KCNQ5: variants seen among roughly 807,000 people sequenced by gnomAD.
The protein encoded by KCNQ5 is potassium voltage-gated channel subfamily KQT member 5.
In KCNQ5, 30 loss-of-function variants were observed where a neutral mutation model predicts 98.2. The observed-to-expected ratio is 0.31, with a 90% CI of 0.23 to 0.41. The LOEUF (loss-of-function observed/expected upper bound fraction) is 0.41, where lower values mean the gene tolerates loss of function less well. Ranked by LOEUF, KCNQ5 falls within the 10% of genes least tolerant of loss-of-function variation. The pLI is 1.00. For synonymous variants in KCNQ5, 458 were observed against 449.4 expected (o/e 1.02, Z -0.24); for missense variants, 835 against 1,182.5 (o/e 0.71, Z 4.31).
At chr6:72,753,560 G>A (rs80230799) in intron 1 of KCNQ5, among the ~76,000 whole-genome samples, 1,946 of 152,202 alleles carry the variant, frequency 0.013, 48 homozygotes, top group African/African-American at 0.043. Context: ...CTTCAGTAAT[G>A]CGTGAGTTTC....
chr6:73,091,949 T>C (rs1774269747), intron 5 of KCNQ5, among the ~76,000 whole-genome samples: 1 of 152,174 alleles, frequency 6.6e-6, no homozygotes, highest in Admixed American at 6.6e-5. Flanking sequence ...ATATTGATTC[T>C]ACCTATCCGT....
intron 1 of KCNQ5, among the ~76,000 whole-genome samples, chr6:72,920,648 A>G (rs7741305): frequency 0.045 from 6,840 of 152,250 alleles, 446 homozygotes; most frequent in African/African-American, 0.14. Context: ...CTCTTTTTCT[A>G]TGTTCTACAT....
chr6:73,162,118 G>T (rs1305020561), intron 10 of KCNQ5, among the ~76,000 whole-genome samples: 1 of 151,210 alleles, frequency 6.6e-6, no homozygotes, highest in African/African-American at 2.4e-5. Flanking sequence ...GTAGAGGTGG[G>T]TTTTCACCAT....
chr6:73,002,548 G>A (rs990708430), intron 1 of KCNQ5, among the ~76,000 whole-genome samples: 2 of 152,148 alleles, frequency 1.3e-5, no homozygotes, highest in Admixed American at 6.5e-5. Context: ...CAGCTTGTAG[G>A]AACCCCTCTA....
At chr6:72,632,489 G>T (rs2098921560) in intron 1 of KCNQ5, among the ~76,000 whole-genome samples, 1 of 151,944 alleles carries the variant, frequency 6.6e-6, no homozygotes, top group African/African-American at 2.4e-5. Flanking sequence ...TAGAGACGGG[G>T]GTACTTGTGC....
At chr6:72,854,718 TTG>T (rs1255993776) in intron 1 of KCNQ5, among the ~76,000 whole-genome samples, 1 of 124,286 alleles carries the variant, frequency 8.0e-6, no homozygotes, top group African/African-American at 3.3e-5. Context: ...CTCTCTTTCT[TTG>T]TACACACACA....
chr6:72,958,462 A>G (rs1007763362), intron 1 of KCNQ5, among the ~76,000 whole-genome samples: 2 of 152,196 alleles, frequency 1.3e-5, no homozygotes, highest in African/African-American at 4.8e-5. Flanking sequence ...CATCATATCC[A>G]TGGGCACAAT....
chr6:72,737,291 T>A (rs1488674462), intron 1 of KCNQ5, among the ~76,000 whole-genome samples: 2 of 152,228 alleles, frequency 1.3e-5, no homozygotes, highest in African/African-American at 2.4e-5. Flanking sequence ...AGTTTGATCA[T>A]AACTTTCATC....
chr6:73,119,580 T>A (rs1335721785), intron 7 of KCNQ5, among the ~76,000 whole-genome samples: 1 of 152,256 alleles, frequency 6.6e-6, no homozygotes, highest in Non-Finnish European at 1.5e-5. Context: ...CATCCTGTTT[T>A]AGTTCTGCTT....
At chr6:72,796,360 G>A (rs1774336134) in intron 1 of KCNQ5, among the ~76,000 whole-genome samples, 1 of 152,112 alleles carries the variant, frequency 6.6e-6, no homozygotes. Flanking sequence ...CCACTCCCAA[G>A]CCTGGACAAT....
intron 1 of KCNQ5, among the ~76,000 whole-genome samples, chr6:72,673,810 C>T (rs1254160829): frequency 6.6e-6 from 1 of 152,128 alleles, no homozygotes; most frequent in Admixed American, 6.5e-5. Flanking sequence ...TTACTTTGGT[C>T]CATTACTTGA....
At chr6:72,903,257 A>C (rs2150196722) in intron 1 of KCNQ5, among the ~76,000 whole-genome samples, 1 of 152,170 alleles carries the variant, frequency 6.6e-6, no homozygotes, top group Admixed American at 6.5e-5. Flanking sequence ...TGGTCTATCA[A>C]TTTGATTTAT....
intron 1 of KCNQ5, among the ~76,000 whole-genome samples, chr6:72,694,993 G>A (rs893416885): frequency 1.3e-5 from 2 of 152,106 alleles, no homozygotes; most frequent in Non-Finnish European, 2.9e-5. Context: ...AATTCACTTA[G>A]GATAATGGCC....
chr6:72,668,985 T>G (rs1487502094), intron 1 of KCNQ5, among the ~76,000 whole-genome samples: 1 of 152,088 alleles, frequency 6.6e-6, no homozygotes, highest in South Asian at 2.1e-4. Context: ...GTATGAATTA[T>G]GGAGGGACAC....
chr6:72,633,573 C>A (rs1377931253), intron 1 of KCNQ5, among the ~76,000 whole-genome samples: 1 of 152,168 alleles, frequency 6.6e-6, no homozygotes, highest in East Asian at 1.9e-4. Context: ...CAAAAAAGAA[C>A]CCGAATAGCC....
intron 1 of KCNQ5, among the ~76,000 whole-genome samples, chr6:72,686,238 C>T (rs1767944211): frequency 6.6e-6 from 1 of 152,166 alleles, no homozygotes. Context: ...TTTGCTATTG[C>T]TTCACATAGG....
chr6:73,100,002 C>T (rs1774693296), intron 5 of KCNQ5, among the ~76,000 whole-genome samples: 1 of 152,116 alleles, frequency 6.6e-6, no homozygotes, highest in African/African-American at 2.4e-5. Flanking sequence ...TCTTCTCTGA[C>T]CACAATTGAA....
chr6:72,672,599 A>G (rs112641623), intron 1 of KCNQ5, among the ~76,000 whole-genome samples: 1,542 of 152,230 alleles, frequency 0.01, 30 homozygotes, highest in African/African-American at 0.035. Context: ...CTGGCTATAT[A>G]TGCTTTGGAA....
chr6:72,739,079 G>A (rs140917731), intron 1 of KCNQ5, among the ~76,000 whole-genome samples: 3 of 152,250 alleles, frequency 2.0e-5, no homozygotes, highest in East Asian at 1.9e-4. Flanking sequence ...GTGTAGGTTC[G>A]TTGATTGTAA....
Sources: gnomAD v4.1 joint callset for allele counts (sites outside exome capture counted in the v4.1 genomes callset) on GRCh38, gnomAD v4.1.1 for gene constraint, MANE v1.5 for transcripts, NCBI Gene and HGNC (gene_info 2026-07-23, HGNC 2026-07-21) for gene names.